Variants in ROBO1 observed in about 807,000 individuals in gnomAD.
ROBO1 encodes the protein roundabout guidance receptor 1.
A neutral mutation model predicts 195.9 loss-of-function variants in ROBO1; 149 were observed. The observed-to-expected ratio is 0.76, with a 90% CI of 0.67 to 0.87. The LOEUF is 0.87. Among genes scored for constraint, ROBO1 ranks in the 40% least tolerant of loss-of-function variants. The pLI, the probability that ROBO1 is intolerant of heterozygous loss-of-function variation, is 0.00. For missense variants in ROBO1, 1,933 were observed against 2,068.3 expected (o/e 0.93, Z 1.27); for synonymous variants, 816 against 733.2 (o/e 1.11, Z -1.82).
At chr3:79,402,460 C>T (rs956906602) in intron 2 of ROBO1, among the ~76,000 whole-genome samples, 5 of 151,830 alleles carry the variant, frequency 3.3e-5, no homozygotes, top group Admixed American at 1.3e-4. Flanking sequence ...CAAGTATATG[C>T]AATAAATAAA....
At chr3:79,163,789 C>T (rs1006088501) in intron 2 of ROBO1, among the ~76,000 whole-genome samples, 3 of 151,996 alleles carry the variant, frequency 2.0e-5, no homozygotes, top group Non-Finnish European at 4.4e-5. Flanking sequence ...GAAAAGGATC[C>T]TATTTAGAAA....
At chr3:78,955,159 GTCATGGGGTTATATAGGTAAACTGTGTA>G (rs1560044489) in intron 3 of ROBO1, among the ~76,000 whole-genome samples, 1 of 118,220 alleles carries the variant, frequency 8.5e-6, no homozygotes, top group Non-Finnish European at 1.7e-5. Context: ...TAAATTGTGT[GTCATGGGGTTATATAGGTAAACTGTGTA>G]TCATGGGGTT....
chr3:78,948,065 T>C (rs188668912), intron 3 of ROBO1, among the ~76,000 whole-genome samples: 2 of 152,238 alleles, frequency 1.3e-5, no homozygotes, highest in Admixed American at 1.3e-4. Context: ...CAGGACCAGA[T>C]GGATTCACAG....
chr3:79,499,991 A>T, intron 2 of ROBO1, among the ~76,000 whole-genome samples: 1 of 151,814 alleles, frequency 6.6e-6, no homozygotes, highest in Non-Finnish European at 1.5e-5. Context: ...ATTTTTTACT[A>T]GAGATGGGGT....
chr3:78,620,526 A>T (rs2107425367), intron 26 of ROBO1, among the ~76,000 whole-genome samples: 1 of 152,314 alleles, frequency 6.6e-6, no homozygotes, highest in Admixed American at 6.5e-5. Context: ...AAAAAGAAGA[A>T]AAACATTTTC....
intron 3 of ROBO1, among the ~76,000 whole-genome samples, chr3:78,951,578 T>C (rs906742973): frequency 2.0e-5 from 3 of 152,118 alleles, no homozygotes; most frequent in African/African-American, 7.2e-5. Context: ...ACTAGGATGA[T>C]ACTCTCTCTG....
chr3:78,884,727 A>T (rs1042182478), intron 4 of ROBO1, among the ~76,000 whole-genome samples: 1 of 150,066 alleles, frequency 6.7e-6, no homozygotes, highest in African/African-American at 2.5e-5. Context: ...AAAGGAAAGG[A>T]AGGAAGGAAG....
chr3:79,306,237 A>C (rs1197438344), intron 2 of ROBO1, among the ~76,000 whole-genome samples: 2 of 152,236 alleles, frequency 1.3e-5, no homozygotes, highest in Non-Finnish European at 2.9e-5. Context: ...AAGTTCTACT[A>C]CATACAGTCA....
intron 1 of ROBO1, among the ~76,000 whole-genome samples, chr3:79,718,366 C>T (rs905558310): frequency 1.6e-4 from 25 of 151,966 alleles, no homozygotes; most frequent in African/African-American, 6.0e-4. Context: ...GTATATCGCT[C>T]CTGAAATGTA....
chr3:79,400,647 A>T (rs1163185635), intron 2 of ROBO1, among the ~76,000 whole-genome samples: 1 of 152,188 alleles, frequency 6.6e-6, no homozygotes, highest in East Asian at 1.9e-4. Context: ...ATACAGCAAG[A>T]CTTTCATATT....
intron 3 of ROBO1, among the ~76,000 whole-genome samples, chr3:79,107,726 A>G (rs1049865171): frequency 2.0e-5 from 3 of 151,734 alleles, no homozygotes; most frequent in Admixed American, 6.6e-5. Context: ...ATTTACAAAC[A>G]TTGGTTGATA....
intron 4 of ROBO1, among the ~76,000 whole-genome samples, chr3:78,920,983 G>A (rs2038912220): frequency 3.9e-5 from 6 of 151,970 alleles, no homozygotes; most frequent in Admixed American, 3.9e-4. Flanking sequence ...CGTGTGACAT[G>A]GCAAATTTAT....
chr3:78,670,530 G>C (rs551056270), intron 10 of ROBO1: 1 of 515,088 alleles, frequency 1.9e-6, no homozygotes, highest in Non-Finnish European at 3.5e-6. Context: ...CACTGAGCTG[G>C]CTGCATCGTC....
At chr3:78,605,746 C>T (rs542081911) in intron 29 of ROBO1, among the ~76,000 whole-genome samples, 2 of 152,262 alleles carry the variant, frequency 1.3e-5, no homozygotes, top group African/African-American at 4.8e-5. Context: ...TTAACATTTT[C>T]CCTGTTCTTT....
At chr3:79,022,474 A>G (rs2078121894) in intron 3 of ROBO1, among the ~76,000 whole-genome samples, 1 of 152,188 alleles carries the variant, frequency 6.6e-6, no homozygotes, top group African/African-American at 2.4e-5. Context: ...GCAAGTTGTC[A>G]CCTTTTCACT....
intron 8 of ROBO1, among the ~76,000 whole-genome samples, chr3:78,708,610 T>C (rs982959764): frequency 2.0e-5 from 3 of 152,072 alleles, no homozygotes; most frequent in Admixed American, 6.6e-5. Context: ...GATAGCAAAA[T>C]AATATAAAAA....
At chr3:79,410,617 AAAGGAAGG>A (rs141093481) in intron 2 of ROBO1, among the ~76,000 whole-genome samples, 39 of 149,560 alleles carry the variant, frequency 2.6e-4, no homozygotes, top group South Asian at 2.3e-3. Context: ...GAAAGAAAAG[AAAGGAAGG>A]AAGGAAGGAA....
chr3:79,560,779 A>G (rs1344787754), intron 2 of ROBO1, among the ~76,000 whole-genome samples: 1 of 152,006 alleles, frequency 6.6e-6, no homozygotes, highest in Non-Finnish European at 1.5e-5. Flanking sequence ...CAAAGCAAAA[A>G]TGTACAAATG....
chr3:78,883,938 G>A (rs1178751887), intron 4 of ROBO1, among the ~76,000 whole-genome samples: 1 of 152,128 alleles, frequency 6.6e-6, no homozygotes, highest in Non-Finnish European at 1.5e-5. Flanking sequence ...TAGGATGGGG[G>A]ATTATGCTGC....
Sources: allele counts gnomAD v4.1 joint callset (sites outside exome capture counted in the v4.1 genomes callset), GRCh38; gene constraint gnomAD v4.1.1; transcripts MANE v1.5; gene names NCBI Gene and HGNC (gene_info 2026-07-23, HGNC 2026-07-21).